The following WDPCP variants were observed in gnomAD, a reference collection of about 807,000 sequenced individuals.
WDPCP encodes WD repeat containing planar cell polarity effector.
A neutral mutation model predicts 93.1 loss-of-function variants in WDPCP; 71 were observed. The observed-to-expected ratio is 0.76, with a 90% CI of 0.63 to 0.93. The LOEUF is 0.93. Ranked by LOEUF, WDPCP falls within the 40% of genes least tolerant of loss-of-function variation. WDPCP has a pLI of 0.00. For synonymous variants in WDPCP, 315 were observed against 315.0 expected, an observed-to-expected ratio of 1.00 and a Z score of 0.00; for missense variants, 844 against 887.4, an observed-to-expected ratio of 0.95 and a Z score of 0.62.
chr2:63,661,701 G>C (rs1000277461), intron 2 of WDPCP, among the ~76,000 whole-genome samples: 2 of 152,168 alleles, frequency 1.3e-5, no homozygotes, highest in Non-Finnish European at 2.9e-5. Flanking sequence ...ATTGTGTTTT[G>C]AAGTTATCTA....
Position 63,474,571 on chromosome 2 carries a change from T to C in WDPCP, c.384+10033A>G, listed in dbSNP as rs1699864681. On this transcript the variant is annotated intron_variant, in intron 6 of 17. Transcript: ENST00000272321. The stretch of plus-strand genomic sequence containing the variant: ...TTGCTTATCTCCTGAGTGGAAAAAG[T>C]AGTATCTCACTGCTATTTTAATTTG... Among the ~76,000 whole-genome samples the C allele has an allele frequency of 1.3e-5, 2 of 152,132 alleles. 1 individual carries two copies. The highest frequency in any genetic ancestry group is 1.3e-4 in the Admixed American group (2 of 15,264).
chr2:63,150,755 A>G (rs1401999620), intron 17 of WDPCP, among the ~76,000 whole-genome samples: 1 of 152,240 alleles, frequency 6.6e-6, no homozygotes. Context: ...TGTTGAATAT[A>G]TTCAATTGGT....
chr2:63,595,074 G>A (rs1479798297), intron 3 of WDPCP: 5 of 332,686 alleles, frequency 1.5e-5, no homozygotes, highest in Admixed American at 1.4e-4. Context: ...ATTCTTTCAT[G>A]TCAGATACTG....
intron 2 of WDPCP, among the ~76,000 whole-genome samples, chr2:63,676,645 G>A (rs1710406154): frequency 6.6e-6 from 1 of 152,180 alleles, no homozygotes; most frequent in African/African-American, 2.4e-5. Flanking sequence ...ATGGAGAACA[G>A]ATCAGTGGTT....
intron 2 of WDPCP, among the ~76,000 whole-genome samples, chr2:63,731,607 C>G (rs1669562298): frequency 6.6e-6 from 1 of 152,044 alleles, no homozygotes; most frequent in Non-Finnish European, 1.5e-5. Flanking sequence ...TGAGAAGTAG[C>G]TAATGGATTA....
At chr2:63,190,432 CAAAA>C (rs57419276) in intron 14 of WDPCP, among the ~76,000 whole-genome samples, 4 of 92,284 alleles carry the variant, frequency 4.3e-5, no homozygotes, top group African/African-American at 9.6e-5. Flanking sequence ...GACCTTGTCT[CAAAA>C]AAAAAAAAAA....
chr2:63,751,976 C>G, intron 2 of WDPCP: 1 of 633,414 alleles, frequency 1.6e-6, no homozygotes, highest in South Asian at 1.4e-5. Flanking sequence ...CTGAAGTTTC[C>G]TCCACAATCA....
intron 14 of WDPCP, among the ~76,000 whole-genome samples, chr2:63,254,685 A>G (rs1379156081): frequency 6.6e-6 from 1 of 152,186 alleles, no homozygotes; most frequent in Non-Finnish European, 1.5e-5. Context: ...AGATTAATGT[A>G]AAATTTTTAA....
chr2:63,240,372 C>T (rs1196028402), intron 14 of WDPCP, among the ~76,000 whole-genome samples: 1 of 151,942 alleles, frequency 6.6e-6, no homozygotes. Context: ...GAGTTGTGGT[C>T]TTGATATATT....
In WDPCP at chr2:63,582,151, G is replaced by A. The variant is rs546217077; in HGVS notation, c.75+6046C>T. On this transcript the variant is annotated intron_variant, in intron 1 of 17. Coordinates refer to ENST00000272321, the MANE Select transcript of WDPCP (RefSeq NM_015910.7). ...CAGACATGTTATAACCTGGAGACTA[G>A]AATATTAAAACAATGATTATAACTG... Among the ~76,000 whole-genome samples, 7 of 151,972 alleles carry A rather than the reference G, an allele frequency of 4.6e-5. No homozygotes were observed. In the South Asian group the frequency reaches 1.2e-3, roughly 27 times the overall value.
At chr2:63,581,112 C>T (rs542343354) in intron 1 of WDPCP, among the ~76,000 whole-genome samples, 1 of 152,194 alleles carries the variant, frequency 6.6e-6, no homozygotes, top group East Asian at 1.9e-4. Context: ...CTTCTCTTCA[C>T]CAAAAAGTAG....
At chr2:63,240,065 A>G (rs1181638798) in intron 14 of WDPCP, among the ~76,000 whole-genome samples, 1 of 152,122 alleles carries the variant, frequency 6.6e-6, no homozygotes, top group South Asian at 2.1e-4. Context: ...ACTCTTCTGT[A>G]TCTTTATTTT....
At chr2:63,598,348 C>T (rs1362970945) in intron 3 of WDPCP, among the ~76,000 whole-genome samples, 7 of 152,118 alleles carry the variant, frequency 4.6e-5, no homozygotes, top group South Asian at 4.2e-4. Flanking sequence ...AGGCTGGTCT[C>T]GAACTCCTGA....
At chr2:63,762,636 C>T (rs763081310) in intron 2 of WDPCP, among the ~76,000 whole-genome samples, 11 of 152,260 alleles carry the variant, frequency 7.2e-5, no homozygotes, top group Non-Finnish European at 1.0e-4. Context: ...TGAAGGGTCC[C>T]GAAGGAGGTT....
chr2:63,588,394 G>A lies in WDPCP; in HGVS notation c.-123C>T. On this transcript the variant is annotated 5_prime_UTR_variant, in exon 1 of 18. Coordinates refer to ENST00000272321, the MANE Select transcript of WDPCP (RefSeq NM_015910.7). ...GCCGCCGCCGCCACAGTTTCCTCAG[G>A]TGCTACAAAGCAGCCAGGGTGTGCG... The A allele has an allele frequency of 1.7e-6, 2 of 1,160,136 alleles. No homozygotes were observed. The highest frequency in any genetic ancestry group is 2.5e-6 in the Non-Finnish European group (2 of 790,450). The allele number at this position is 1,160,136 out of a possible 1,614,324, so 71.9% of individuals were successfully genotyped here.
chr2:63,583,143 T>C (rs1404887954), intron 1 of WDPCP, among the ~76,000 whole-genome samples: 4 of 152,210 alleles, frequency 2.6e-5, no homozygotes, highest in Non-Finnish European at 5.9e-5. Flanking sequence ...AAGTAAATTA[T>C]TGGCAGGTTT....
At chr2:63,813,022 TA>T (rs1012585335) in intron 2 of WDPCP, among the ~76,000 whole-genome samples, 20 of 147,272 alleles carry the variant, frequency 1.4e-4, no homozygotes, top group East Asian at 2.0e-4. Flanking sequence ...TCAGCTAATT[TA>T]AAAAAAAAAA....
chr2:63,188,198 G>C (rs1674780818), intron 14 of WDPCP, among the ~76,000 whole-genome samples: 1 of 152,092 alleles, frequency 6.6e-6, no homozygotes, highest in Non-Finnish European at 1.5e-5. Flanking sequence ...GGAGTTCATT[G>C]AGTTTTGAGT....
intron 1 of WDPCP, among the ~76,000 whole-genome samples, chr2:63,498,006 T>C (rs1212230334): frequency 6.6e-6 from 1 of 152,054 alleles, no homozygotes; most frequent in East Asian, 1.9e-4. Flanking sequence ...TATAACCCAA[T>C]GCACATGGCA....
Sources: allele counts gnomAD v4.1 joint callset (sites outside exome capture counted in the v4.1 genomes callset), GRCh38; gene constraint gnomAD v4.1.1; transcripts MANE v1.5; gene names NCBI Gene and HGNC (gene_info 2026-07-23, HGNC 2026-07-21).